Variants in NELL2 observed in about 807,000 individuals in gnomAD.
The protein encoded by NELL2 is protein kinase C-binding protein NELL2.
A neutral mutation model predicts 109.6 loss-of-function variants in NELL2; 41 were observed. The observed-to-expected ratio is 0.37, with a 90% CI of 0.29 to 0.49. The LOEUF (loss-of-function observed/expected upper bound fraction) is 0.49, where lower values mean the gene tolerates loss of function less well. NELL2 is among the 20% of genes least tolerant of loss of function. The pLI is 0.98. For missense variants in NELL2, 900 were observed against 1,008.3 expected (o/e 0.89, Z 1.45); for synonymous variants, 355 against 344.7 (o/e 1.03, Z -0.33).
At chr12:44,918,236 GT>G (rs1193149835), upstream of NELL2, among the ~76,000 whole-genome samples, 1 of 152,082 alleles carries the variant, frequency 6.6e-6, no homozygotes, top group African/African-American at 2.4e-5. Flanking sequence ...TTACCCTAAA[GT>G]ACAGATCCTA....
chr12:44,839,321 TA>T, intron 2 of NELL2, among the ~76,000 whole-genome samples: 1 of 152,268 alleles, frequency 6.6e-6, no homozygotes, highest in South Asian at 2.1e-4. Context: ...TCATGCTGCT[TA>T]AAATAATGGC....
chr12:44,728,325 T>A (rs111489664), intron 9 of NELL2, among the ~76,000 whole-genome samples: 3,168 of 152,154 alleles, frequency 0.021, 106 homozygotes, highest in African/African-American at 0.072. Context: ...ATTTAGAATG[T>A]AAGAATACAA....
intron 12 of NELL2, among the ~76,000 whole-genome samples, chr12:44,679,091 T>G (rs796529863): frequency 6.6e-6 from 1 of 152,086 alleles, no homozygotes; most frequent in Admixed American, 6.6e-5. Flanking sequence ...GAAGATATAA[T>G]AGATGAAGCA....
At chr12:44,839,525 G>A (rs1436884048) in intron 2 of NELL2, among the ~76,000 whole-genome samples, 1 of 152,122 alleles carries the variant, frequency 6.6e-6, no homozygotes, top group Non-Finnish European at 1.5e-5. Flanking sequence ...GGAAAATTTT[G>A]CACTATCCTA....
chr12:44,855,491 C>T (rs908203706), intron 2 of NELL2, among the ~76,000 whole-genome samples: 32 of 152,142 alleles, frequency 2.1e-4, no homozygotes, highest in African/African-American at 6.5e-4. Flanking sequence ...TTTTATTGTA[C>T]GGGCTAAAAA....
At chr12:44,541,411 T>G (rs1270437678) in intron 15 of NELL2, among the ~76,000 whole-genome samples, 1 of 151,838 alleles carries the variant, frequency 6.6e-6, no homozygotes, top group Non-Finnish European at 1.5e-5. Flanking sequence ...GAATAAAAAG[T>G]TCTTGAAAAT....
At chr12:44,680,087 T>G (rs1012844893) in intron 12 of NELL2, among the ~76,000 whole-genome samples, 1 of 152,166 alleles carries the variant, frequency 6.6e-6, no homozygotes, top group Non-Finnish European at 1.5e-5. Context: ...AATTAGAAAC[T>G]AATTTAGTAA....
At chr12:44,896,461 T>C (rs1945593665) in intron 1 of NELL2, among the ~76,000 whole-genome samples, 1 of 152,164 alleles carries the variant, frequency 6.6e-6, no homozygotes. Context: ...AACTAACATT[T>C]CTTAAAGGAA....
chr12:44,776,668 G>T (rs1037873691), intron 7 of NELL2, among the ~76,000 whole-genome samples: 6 of 152,106 alleles, frequency 3.9e-5, no homozygotes, highest in African/African-American at 1.4e-4. Flanking sequence ...GTGGTAGAAA[G>T]CATTTATGGG....
chr12:44,675,469 G>A (rs1948275875), intron 12 of NELL2, among the ~76,000 whole-genome samples: 1 of 152,044 alleles, frequency 6.6e-6, no homozygotes, highest in African/African-American at 2.4e-5. Context: ...AGCTTCTCTT[G>A]CCCCAGGATA....
At chr12:44,602,245 T>C (rs1357556576) in intron 15 of NELL2, among the ~76,000 whole-genome samples, 2 of 152,146 alleles carry the variant, frequency 1.3e-5, no homozygotes, top group Non-Finnish European at 2.9e-5. Flanking sequence ...CAGATGTGTC[T>C]AGTGAGTGAG....
intron 9 of NELL2, among the ~76,000 whole-genome samples, chr12:44,753,244 C>G (rs1177633025): frequency 1.3e-5 from 2 of 152,152 alleles, no homozygotes; most frequent in East Asian, 3.9e-4. Context: ...AATTTCACAT[C>G]ATTAGCATTT....
intron 15 of NELL2, among the ~76,000 whole-genome samples, chr12:44,562,635 T>C (rs1406932076): frequency 6.6e-6 from 1 of 152,186 alleles, no homozygotes; most frequent in African/African-American, 2.4e-5. Context: ...TCACACCAGT[T>C]AGAATGGCAA....
intron 9 of NELL2, among the ~76,000 whole-genome samples, chr12:44,772,783 G>A (rs1941598237): frequency 6.6e-6 from 1 of 151,840 alleles, no homozygotes; most frequent in Non-Finnish European, 1.5e-5. Flanking sequence ...GAGGGCCTAT[G>A]GCTTTTTTTT....
intron 2 of NELL2, among the ~76,000 whole-genome samples, chr12:44,859,543 GA>G (rs1277052109): frequency 6.6e-6 from 1 of 151,944 alleles, no homozygotes; most frequent in African/African-American, 2.4e-5. Flanking sequence ...TCCATCTCAA[GA>G]AAAAAATAAA....
At chr12:44,886,852 A>C (rs544165132) in intron 1 of NELL2, among the ~76,000 whole-genome samples, 1 of 151,946 alleles carries the variant, frequency 6.6e-6, no homozygotes, top group South Asian at 2.1e-4. Context: ...GCAACAATAT[A>C]ATCTCTGTCT....
At chr12:44,861,232 C>T (rs150392866) in intron 2 of NELL2, among the ~76,000 whole-genome samples, 167 of 152,206 alleles carry the variant, frequency 1.1e-3, no homozygotes, top group African/African-American at 3.6e-3. Context: ...CTTGAGGAAA[C>T]GAAATAAAAA....
intron 15 of NELL2, among the ~76,000 whole-genome samples, chr12:44,581,214 G>T (rs12299479): frequency 6.6e-6 from 1 of 152,038 alleles, no homozygotes; most frequent in Non-Finnish European, 1.5e-5. Flanking sequence ...GCCACTAATT[G>T]GACGGCTACT....
At chr12:44,717,670 T>A (rs1416828473) in intron 9 of NELL2, among the ~76,000 whole-genome samples, 1 of 152,170 alleles carries the variant, frequency 6.6e-6, no homozygotes, top group Non-Finnish European at 1.5e-5. Context: ...AAAATGGTTT[T>A]ACTAGAGTCC....
Sources: allele counts gnomAD v4.1 joint callset (sites outside exome capture counted in the v4.1 genomes callset), GRCh38; gene constraint gnomAD v4.1.1; transcripts MANE v1.5; gene names NCBI Gene and HGNC (gene_info 2026-07-23, HGNC 2026-07-21).